RPL37: variants seen among roughly 807,000 people sequenced by gnomAD.
RPL37 encodes large ribosomal subunit protein eL37.
A neutral mutation model predicts 14.8 loss-of-function variants in RPL37; 1 was observed. The ratio of observed to expected loss-of-function variants is 0.07; its 90% CI spans 0.02 to 0.32. RPL37 has a LOEUF of 0.32. Among genes scored for constraint, RPL37 ranks in the 10% least tolerant of loss-of-function variants. RPL37 has a pLI of 1.00. For missense variants in RPL37, 100 were observed against 128.3 expected (o/e 0.78, Z 1.06); for synonymous variants, 53 against 45.8 (o/e 1.16, Z -0.63).
Position 40,825,468 on chromosome 5 carries a change from C to T in RPL37, c.*7036G>A, listed in dbSNP as rs1441118520. 1 of 152,202 alleles carries T rather than the reference C, an allele frequency of 6.6e-6. No individual in the cohort carries two copies. The highest frequency in any genetic ancestry group is 1.5e-5 in the Non-Finnish European group (1 of 68,040). 9.4% of individuals were successfully genotyped at this position (152,202 alleles called of 1,614,324 possible). On this transcript the variant is annotated 3_prime_UTR_variant, in exon 4 of 4. Coordinates refer to ENST00000274242, the MANE Select transcript of RPL37 (RefSeq NM_000997.5). ...CAGGGGTACGTTCCCAGAGGTTTCT[C>T]TCTCTAGAGCAATCCCTAATAGGAC...
Position 40,835,207 on chromosome 5 carries a change from A to G in RPL37, c.-22T>C. ...CCATCTCGCTTCTGCGGCCGAGACC[A>G]GAAAGACCGGAAGAGAAGGCACTTC... On this transcript the variant is annotated 5_prime_UTR_variant, in exon 1 of 4. Transcript: ENST00000274242. 6.2e-7 allele frequency: 1 copy of G among 1,613,960 alleles called. No homozygotes were observed. The highest frequency in any genetic ancestry group is 8.5e-7 in the Non-Finnish European group (1 of 1,179,936).
In RPL37 at chr5:40,832,377, G is replaced by A. The variant is rs1206879024; in HGVS notation, c.*127C>T. 2.4e-6 allele frequency: 2 copies of A among 823,678 alleles called. No individual in the cohort carries two copies. Among genetic ancestry groups the A allele is most frequent in the East Asian group, 2.5e-5 (1 of 40,256 alleles). 51.0% of individuals were successfully genotyped at this position (823,678 alleles called of 1,614,324 possible). A position where few individuals can be genotyped will look rare whatever the true frequency, so the allele number is the denominator to read the frequency against. On this transcript the variant is annotated 3_prime_UTR_variant, in exon 4 of 4. Coordinates refer to ENST00000274242, the MANE Select transcript of RPL37 (RefSeq NM_000997.5). ...AACAAGTAAATCTGATATGAAGCTA[G>A]CCCAGTCCCTAAACCTACAGTATTT...
intron 3 of RPL37, chr5:40,833,978 G>C: frequency 1.8e-6 from 1 of 561,088 alleles, no homozygotes. Context: ...TGGGGAGACT[G>C]AGGCTGCACT....
chr5:40,832,469 C>T lies in RPL37; in HGVS notation c.*35G>A. On this transcript the variant is annotated 3_prime_UTR_variant, in exon 4 of 4. Transcript: ENST00000274242. ...AAACCAGATATGTATTTTTTAAAAC[C>T]AGAACATTTATTGCATGACTAATCG... is the stretch of plus-strand genomic sequence containing the variant. The T allele has an allele frequency of 1.3e-6, 2 of 1,574,412 alleles. No individual in the cohort carries two copies. Among genetic ancestry groups the T allele is most frequent in the African/African-American group, 1.3e-5 (1 of 74,134 alleles).
intron 1 of RPL37, chr5:40,834,959 G>A (rs1745733137): frequency 1.5e-6 from 1 of 652,240 alleles, no homozygotes; most frequent in Non-Finnish European, 2.7e-6. Context: ...GTTGGACCGA[G>A]GCAAAGGACA....
intron 1 of RPL37, 123 bp downstream of exon 1, chr5:40,835,060 G>A (rs1048388084): frequency 3.0e-6 from 4 of 1,353,908 alleles, no homozygotes; most frequent in Middle Eastern, 1.8e-4. Context: ...GCCACCGCAT[G>A]CCTCTTTCCA....
intron 3 of RPL37, 31 bp from the exon 4 acceptor site, chr5:40,832,604 C>T: frequency 6.4e-7 from 1 of 1,561,230 alleles, no homozygotes; most frequent in South Asian, 1.1e-5. Flanking sequence ...GAACAAGTTA[C>T]TTCAGCAACA....
Position 40,831,886 on chromosome 5 carries a change from C to G in RPL37, c.*618G>C, listed in dbSNP as rs1455713266. ...GCTCAATCTTTACTTGCACCCAAGC[C>G]CTACTTTTTCTCAAACCTATTTACA... On this transcript the variant is annotated 3_prime_UTR_variant, in exon 4 of 4. Coordinates refer to ENST00000274242, the MANE Select transcript of RPL37 (RefSeq NM_000997.5). 6.6e-6 allele frequency: 1 copy of G among 152,620 alleles called. No homozygotes were observed. The highest frequency in any genetic ancestry group is 1.5e-5 in the Non-Finnish European group (1 of 68,284). The allele number at this position is 152,620 out of a possible 1,614,324, so 9.5% of individuals were successfully genotyped here. A position where few individuals can be genotyped will look rare whatever the true frequency, so the allele number is the denominator to read the frequency against.
chr5:40,827,703 GAAGATTT>G lies in RPL37; in HGVS notation c.*4794_*4800del, dbSNP rs1561205814. 1 of 151,706 alleles carries G rather than the reference GAAGATTT, an allele frequency of 6.6e-6. No homozygotes were observed. Among genetic ancestry groups the G allele is most frequent in the African/African-American group, 2.4e-5 (1 of 41,304 alleles). The allele number at this position is 151,706 out of a possible 1,614,324, so 9.4% of individuals were successfully genotyped here. ...GTCAAAACATCCTTCTACTTACAAG[GAAGATTT>G]TGCTTAAGTCCTTCCTTTATCCTTT... On this transcript the variant is annotated 3_prime_UTR_variant, in exon 4 of 4. Transcript: ENST00000274242.
In RPL37 at chr5:40,826,128, T is replaced by C. The variant is rs950229381; in HGVS notation, c.*6376A>G. The C allele has an allele frequency of 3.9e-5, 6 of 152,216 alleles. No individual in the cohort carries two copies. Among genetic ancestry groups the C allele is most frequent in the Admixed American group, 6.5e-5 (1 of 15,284 alleles). The allele number at this position is 152,216 out of a possible 1,614,324, so 9.4% of individuals were successfully genotyped here. On this transcript the variant is annotated 3_prime_UTR_variant, in exon 4 of 4. Transcript: ENST00000274242. ...CCTCCAAATAACTTACTAATTTTATTCATATAACACTCCTCAGGAGTTCAA... is the reference window on the plus strand; with the variant it reads ...CCTCCAAATAACTTACTAATTTTATCCATATAACACTCCTCAGGAGTTCAA...
Position 40,832,501 on chromosome 5 carries a change from T to C in RPL37, c.*3A>G. On this transcript the variant is annotated 3_prime_UTR_variant, in exon 4 of 4. Transcript: ENST00000274242. ...TTTATTGCATGACTAATCGTTGACA[T>C]TCTTAAGATGAACTGGATGCTGCAA... The C allele has an allele frequency of 6.2e-7, 1 of 1,612,346 alleles. No individual in the cohort carries two copies. Among genetic ancestry groups the C allele is most frequent in the Non-Finnish European group, 8.5e-7 (1 of 1,178,738 alleles).
At chr5:40,832,601 T>C (rs993444299) in intron 3 of RPL37, 28 bp from the exon 4 acceptor site, 1 of 1,583,912 alleles carries the variant, frequency 6.3e-7, no homozygotes, top group African/African-American at 1.3e-5. Flanking sequence ...CAAGAACAAG[T>C]TACTTCAGCA....
chr5:40,834,765 C>G (rs1191585029), intron 1 of RPL37, among the ~76,000 whole-genome samples, 159 bp from the exon 2 acceptor site: 4 of 152,214 alleles, frequency 2.6e-5, no homozygotes, highest in Non-Finnish European at 5.9e-5. Flanking sequence ...AGACCACTAC[C>G]CGCATTTCAC....
rs1745635591 is a variant in RPL37, at chr5:40,831,285, T to C, written c.*1219A>G. The C allele has an allele frequency of 6.6e-6, 1 of 152,298 alleles. No individual in the cohort carries two copies. Among genetic ancestry groups the C allele is most frequent in the Non-Finnish European group, 1.5e-5 (1 of 68,042 alleles). The allele number at this position is 152,298 out of a possible 1,614,324, so 9.4% of individuals were successfully genotyped here. On this transcript the variant is annotated 3_prime_UTR_variant, in exon 4 of 4. Coordinates refer to ENST00000274242, the MANE Select transcript of RPL37 (RefSeq NM_000997.5). ...CTGTAAACAAGAAAGGCAATGGCAA[T>C]TGGACTCTAACCATACATCTTTAAA...
intron 2 of RPL37, 32 bp downstream of exon 2, chr5:40,834,439 C>T (rs1485398301): frequency 6.2e-7 from 1 of 1,605,284 alleles, no homozygotes; most frequent in Non-Finnish European, 8.5e-7. Flanking sequence ...CAAACAAAAG[C>T]TAACACAGTT....
rs1278973165 is a variant in RPL37, at chr5:40,835,084, C to T, written c.3+99G>A. 6 of 1,543,742 alleles carry T rather than the reference C, an allele frequency of 3.9e-6. No individual in the cohort carries two copies. The African/African-American group carries it at 6.8e-5, about 17-fold the overall frequency. On this transcript the variant is annotated intron_variant, in intron 1 of 3. Transcript: ENST00000274242. Reference sequence around the variant, plus strand: ...TGCCTCTTTCCAGCCCACCAGTTCCCCTTATCCGGAATCTTGCCAGCCCCC... The same window carrying T: ...TGCCTCTTTCCAGCCCACCAGTTCCTCTTATCCGGAATCTTGCCAGCCCCC...
At chr5:40,833,484 C>T (rs1745686454) in intron 3 of RPL37, among the ~76,000 whole-genome samples, 1 of 152,186 alleles carries the variant, frequency 6.6e-6, no homozygotes, top group African/African-American at 2.4e-5. Flanking sequence ...GCTAAGTCTA[C>T]GGCGGAGCTG....
Position 40,831,005 on chromosome 5 carries a change from G to A in RPL37, c.*1499C>T, listed in dbSNP as rs1405822300. 1 of 151,984 alleles carries A rather than the reference G, an allele frequency of 6.6e-6. No homozygotes were observed. Among genetic ancestry groups the A allele is most frequent in the Non-Finnish European group, 1.5e-5 (1 of 68,026 alleles). 9.4% of individuals were successfully genotyped at this position (151,984 alleles called of 1,614,324 possible). On this transcript the variant is annotated 3_prime_UTR_variant, in exon 4 of 4. Coordinates refer to ENST00000274242, the MANE Select transcript of RPL37 (RefSeq NM_000997.5). ...CTCACGCCTGTAATCCTAGCACTTTGGGAGGCCGAGGCGGCGGATCACGAG... is the reference window on the plus strand; with the variant it reads ...CTCACGCCTGTAATCCTAGCACTTTAGGAGGCCGAGGCGGCGGATCACGAG...
chr5:40,833,637 T>A (rs1579793789), intron 3 of RPL37, among the ~76,000 whole-genome samples: 1 of 152,206 alleles, frequency 6.6e-6, no homozygotes, highest in South Asian at 2.1e-4. Flanking sequence ...CAGACCTTAT[T>A]CACTACTGTC....
Sources: allele counts gnomAD v4.1 joint callset (sites outside exome capture counted in the v4.1 genomes callset), GRCh38; gene constraint gnomAD v4.1.1; transcripts MANE v1.5; gene names NCBI Gene and HGNC (gene_info 2026-07-23, HGNC 2026-07-21).